The following TULP4 variants were observed in gnomAD, a reference collection of about 807,000 sequenced individuals.
TULP4 encodes TUB like protein 4.
In TULP4, 16 loss-of-function variants were observed where a neutral mutation model predicts 129.0. That is an observed-to-expected ratio of 0.12 (90% CI 0.08 to 0.19). The LOEUF (loss-of-function observed/expected upper bound fraction) is 0.19, where lower values mean the gene tolerates loss of function less well. Ranked by LOEUF, TULP4 falls within the 10% of genes least tolerant of loss-of-function variation. The pLI, the probability that TULP4 is intolerant of heterozygous loss-of-function variation, is 1.00. For missense variants in TULP4, 1,842 were observed against 2,059.1 expected (o/e 0.89, Z 2.04); for synonymous variants, 998 against 854.0 (o/e 1.17, Z -2.94).
intron 6 of TULP4, among the ~76,000 whole-genome samples, chr6:158,467,277 C>CA (rs1402069951): frequency 9.2e-5 from 13 of 140,880 alleles, no homozygotes; most frequent in Non-Finnish European, 1.6e-4. Context: ...CTTTCCCTTT[C>CA]TTTTTTTTTT....
intron 1 of TULP4, among the ~76,000 whole-genome samples, chr6:158,271,901 G>T (rs976936782): frequency 6.6e-6 from 1 of 152,240 alleles, no homozygotes; most frequent in Non-Finnish European, 1.5e-5. Flanking sequence ...TTTGCTTCAG[G>T]TGAGACAAAG....
At chr6:158,408,276 A>G (rs1316683645) in intron 1 of TULP4, among the ~76,000 whole-genome samples, 2 of 152,156 alleles carry the variant, frequency 1.3e-5, no homozygotes, top group East Asian at 3.9e-4. Context: ...TTCCTGGCCA[A>G]GGGTGGCACG....
intron 1 of TULP4, chr6:158,237,352 C>G: frequency 6.2e-7 from 1 of 1,612,536 alleles, no homozygotes; most frequent in South Asian, 1.1e-5. Context: ...GCCACCTTTT[C>G]CACCTTTCTT....
intron 6 of TULP4, among the ~76,000 whole-genome samples, chr6:158,464,932 A>T (rs1037179658): frequency 1.2e-4 from 18 of 152,212 alleles, no homozygotes; most frequent in African/African-American, 4.1e-4. Flanking sequence ...AGGTTTTGCC[A>T]TTTCAAAATA....
At position 158,413,023 on chromosome 6, in the gene TULP4, G is replaced by A. The variant is rs371508082; in HGVS notation, c.253-42G>A. The A allele has an allele frequency of 9.5e-6, 15 of 1,581,480 alleles. No homozygotes were observed. In the African/African-American group the frequency reaches 1.9e-4, roughly 20 times the overall value. On this transcript the variant is annotated intron_variant, in intron 1 of 13. Coordinates refer to ENST00000367097, the MANE Select transcript of TULP4 (RefSeq NM_020245.5). This position sits in a 1 kb window ranked among gnomAD's most constrained non-coding sequence, Gnocchi z 4.9. ...ATCACAGAAATAATCCTGGCCCACAGATTTATTTCCTGTGGTAAATGTCTT... is the reference window on the plus strand; with the variant it reads ...ATCACAGAAATAATCCTGGCCCACAAATTTATTTCCTGTGGTAAATGTCTT...
intron 1 of TULP4, among the ~76,000 whole-genome samples, chr6:158,239,405 C>CA (rs1777804762): frequency 2.0e-5 from 1 of 50,432 alleles, no homozygotes; most frequent in African/African-American, 6.2e-5. Context: ...GCTGGCCGGG[C>CA]GGGGGGCTGA....
intron 1 of TULP4, among the ~76,000 whole-genome samples, chr6:158,249,302 TAATGA>T (rs906641762): frequency 1.1e-4 from 17 of 148,346 alleles, no homozygotes; most frequent in Non-Finnish European, 2.0e-4. Flanking sequence ...GTTGCCTGAA[TAATGA>T]AATAAATAAT....
chr6:158,366,912 C>T (rs953062643), intron 1 of TULP4, among the ~76,000 whole-genome samples: 3 of 152,210 alleles, frequency 2.0e-5, no homozygotes, highest in Non-Finnish European at 4.4e-5. Flanking sequence ...AATCACTTTC[C>T]TGTCCTTATG....
chr6:158,367,794 A>G (rs1373265801), intron 1 of TULP4, among the ~76,000 whole-genome samples: 1 of 151,970 alleles, frequency 6.6e-6, no homozygotes, highest in Non-Finnish European at 1.5e-5. Flanking sequence ...CAATCCCAGC[A>G]CTTTGGGAGG....
At chr6:158,370,166 C>G in intron 1 of TULP4, among the ~76,000 whole-genome samples, 1 of 152,088 alleles carries the variant, frequency 6.6e-6, no homozygotes, top group East Asian at 1.9e-4. Flanking sequence ...GAGTCAAGGT[C>G]ATGCCACTGG....
intron 3 of TULP4, among the ~76,000 whole-genome samples, chr6:158,430,218 A>G (rs938332706): frequency 1.3e-5 from 2 of 152,222 alleles, no homozygotes; most frequent in African/African-American, 2.4e-5. Context: ...CTTAAAAAAA[A>G]TCAGGATAGG....
rs1299562763 is a variant in TULP4 at position 158,482,737 on chromosome 6, C to CAATTTTATAAAATCTGTATTGAGATT, written c.1486+1451_1486+1476dup. On this transcript the variant is annotated intron_variant, in intron 8 of 13. Transcript: ENST00000367097. Reference sequence around the variant, plus strand: ...ACCTCTAAGGTTACTCCCCTGGGTACAATTTTATAAAATCTGTATTGAGAT... The same window carrying CAATTTTATAAAATCTGTATTGAGATT: ...ACCTCTAAGGTTACTCCCCTGGGTACAATTTTATAAAATCTGTATTGAGATTAATTTTATAAAATCTGTATTGAGAT... Among the ~76,000 whole-genome samples the CAATTTTATAAAATCTGTATTGAGATT allele has an allele frequency of 4.0e-4, 61 of 152,158 alleles. 1 individual carries two copies. The highest frequency in any genetic ancestry group is 1.2e-4 in the Non-Finnish European group (8 of 68,040).
At chr6:158,271,245 A>G (rs773855345) in intron 1 of TULP4, among the ~76,000 whole-genome samples, 13 of 151,578 alleles carry the variant, frequency 8.6e-5, no homozygotes, top group Admixed American at 2.0e-4. Flanking sequence ...TTCATTTTCA[A>G]TTGTTGCTTC....
chr6:158,462,184 G>C (rs1779444388), intron 6 of TULP4, among the ~76,000 whole-genome samples: 1 of 152,154 alleles, frequency 6.6e-6, no homozygotes, highest in Non-Finnish European at 1.5e-5. Flanking sequence ...TAAGTCTCTA[G>C]AGTAGCTCAA....
chr6:158,454,414 C>G (rs1040039110), intron 5 of TULP4, among the ~76,000 whole-genome samples: 4 of 152,126 alleles, frequency 2.6e-5, no homozygotes, highest in Non-Finnish European at 4.4e-5. Context: ...TTTTTGAGAA[C>G]CTGCCTCTAG....
intron 1 of TULP4, among the ~76,000 whole-genome samples, chr6:158,240,278 C>T: frequency 1.2e-5 from 1 of 80,508 alleles, no homozygotes; most frequent in Non-Finnish European, 2.7e-5. Flanking sequence ...CTCCTCACTT[C>T]CCAGTAGGGG....
intron 1 of TULP4, among the ~76,000 whole-genome samples, chr6:158,287,238 C>G (rs1050514952): frequency 6.6e-6 from 1 of 152,120 alleles, no homozygotes; most frequent in African/African-American, 2.4e-5. Flanking sequence ...CTAGCATTTG[C>G]GTGGCCAGAC....
chr6:158,478,802 A>AT (rs990220128), intron 6 of TULP4, among the ~76,000 whole-genome samples: 20 of 151,650 alleles, frequency 1.3e-4, no homozygotes, highest in East Asian at 3.9e-4. Flanking sequence ...TGAGCTTTGG[A>AT]TTTTTTTTTA....
At chr6:158,283,968 A>G (rs949268481) in intron 1 of TULP4, among the ~76,000 whole-genome samples, 1 of 152,240 alleles carries the variant, frequency 6.6e-6, no homozygotes, top group African/African-American at 2.4e-5. Flanking sequence ...AAAGTGGTAG[A>G]TAATGGACCC....
Sources: gnomAD v4.1 joint callset for allele counts (sites outside exome capture counted in the v4.1 genomes callset) on GRCh38, gnomAD v4.1.1 for gene constraint, Gnocchi (gnomAD v3.1) non-coding constraint, MANE v1.5 for transcripts, NCBI Gene and HGNC (gene_info 2026-07-23, HGNC 2026-07-21) for gene names.